Variants in NBDY observed in about 807,000 individuals in gnomAD.
The protein encoded by NBDY is P-body dissociating protein.
At position 56,783,881 on chromosome X, in the gene NBDY, C is replaced by G. The variant is rs187667068; in HGVS notation, c.*167-33439C>G. 1.1e-3 allele frequency among the ~76,000 whole-genome samples: 128 copies of G among 112,874 alleles called. 1 individual carries two copies. The highest frequency in any genetic ancestry group is 4.1e-3 in the African/African-American group (126 of 31,022). On this transcript the variant is annotated intron_variant, in intron 2 of 2. Coordinates refer to ENST00000374922, the MANE Select transcript of NBDY (RefSeq NM_001348129.2). The stretch of plus-strand genomic sequence containing the variant: ...AGAAAGAAACGGGCCAAAGAGCACC[C>G]ACCTCATCTACAGCAGGGCTCCCCA...
intron 2 of NBDY, among the ~76,000 whole-genome samples, chrX:56,759,741 G>A (rs1158998663): frequency 9.0e-6 from 1 of 111,616 alleles, no homozygotes; most frequent in African/African-American, 3.3e-5. Flanking sequence ...ACTGGCCCTT[G>A]GCCTGTGCTT....
chrX:56,733,358 C>T (rs893416921), intron 2 of NBDY, among the ~76,000 whole-genome samples: 1 of 110,134 alleles, frequency 9.1e-6, no homozygotes, highest in African/African-American at 3.3e-5. Flanking sequence ...TTTATACAGT[C>T]ATCTGGTATG....
At chrX:56,806,428 T>C (rs1274215815) in intron 2 of NBDY, among the ~76,000 whole-genome samples, 1 of 112,086 alleles carries the variant, frequency 8.9e-6, no homozygotes, top group African/African-American at 3.2e-5. Flanking sequence ...TAATTGACAC[T>C]CCCACCAACA....
intron 2 of NBDY, among the ~76,000 whole-genome samples, chrX:56,744,419 T>G (rs1239831935): frequency 1.8e-5 from 2 of 111,760 alleles, no homozygotes; most frequent in Non-Finnish European, 3.8e-5. Context: ...AATGTTTCCT[T>G]GCTGTTAACA....
chrX:56,742,962 G>C (rs756449551), intron 2 of NBDY, among the ~76,000 whole-genome samples: 1 of 111,306 alleles, frequency 9.0e-6, no homozygotes, highest in Non-Finnish European at 1.9e-5. Context: ...CTGTGGGTCT[G>C]TTATATATGG....
intron 2 of NBDY, among the ~76,000 whole-genome samples, chrX:56,798,885 T>G (rs1239155490): frequency 8.9e-6 from 1 of 112,051 alleles, no homozygotes; most frequent in African/African-American, 3.2e-5. Flanking sequence ...CTTTTTCTCG[T>G]TCTCCTTCCT....
intron 2 of NBDY, among the ~76,000 whole-genome samples, chrX:56,788,995 C>T: frequency 8.9e-6 from 1 of 112,771 alleles, no homozygotes; most frequent in Non-Finnish European, 1.9e-5. Flanking sequence ...GGCGAGTGTC[C>T]CTGCAGCCTG....
chrX:56,806,650 CT>C (rs1246796097), intron 2 of NBDY, among the ~76,000 whole-genome samples: 1 of 112,017 alleles, frequency 8.9e-6, no homozygotes, highest in Non-Finnish European at 1.9e-5. Flanking sequence ...CTTTCGCCCA[CT>C]TTTTGATGGG....
chrX:56,786,132 T>G (rs2069726417), intron 2 of NBDY, among the ~76,000 whole-genome samples: 1 of 110,207 alleles, frequency 9.1e-6, no homozygotes, highest in African/African-American at 3.3e-5. Context: ...TTTTTGGAGG[T>G]GGGGTAGGGG....
chrX:56,761,407 C>T (rs1199002242), intron 2 of NBDY, among the ~76,000 whole-genome samples: 1 of 113,018 alleles, frequency 8.8e-6, no homozygotes, highest in African/African-American at 3.2e-5. Context: ...CAGCAGGGAG[C>T]AGGGCAGCCT....
intron 2 of NBDY, among the ~76,000 whole-genome samples, chrX:56,798,319 C>T (rs2069803981): frequency 8.9e-6 from 1 of 112,120 alleles, no homozygotes; most frequent in Non-Finnish European, 1.9e-5. Flanking sequence ...GATCCTTAGC[C>T]CTTTGTGATG....
At chrX:56,741,250 C>T (rs1041005722) in intron 2 of NBDY, among the ~76,000 whole-genome samples, 1 of 111,238 alleles carries the variant, frequency 9.0e-6, no homozygotes, top group Non-Finnish European at 1.9e-5. Context: ...GTTGATGAAC[C>T]CTTAGGTTGC....
chrX:56,783,730 C>T (rs1038933131), intron 2 of NBDY, among the ~76,000 whole-genome samples: 1 of 112,832 alleles, frequency 8.9e-6, no homozygotes, highest in Non-Finnish European at 1.9e-5. Context: ...AAACACCTTC[C>T]GCTGGATGGC....
chrX:56,766,390 C>A (rs1323210087), intron 2 of NBDY, among the ~76,000 whole-genome samples: 5 of 111,298 alleles, frequency 4.5e-5, no homozygotes, highest in Non-Finnish European at 7.5e-5. Flanking sequence ...TACAAGAGAC[C>A]CCCAGAAGAA....
intron 2 of NBDY, among the ~76,000 whole-genome samples, chrX:56,759,838 T>TC (rs1388898153): frequency 9.0e-6 from 1 of 111,623 alleles, no homozygotes; most frequent in East Asian, 2.8e-4. Context: ...CCTGGCAGTC[T>TC]CCAGGGACTT....
chrX:56,793,801 G>A (rs368903540), intron 2 of NBDY, among the ~76,000 whole-genome samples: 16 of 111,003 alleles, frequency 1.4e-4, no homozygotes, highest in African/African-American at 4.6e-4. Context: ...CAGGCCGGCT[G>A]TGAGCAAGCA....
intron 2 of NBDY, among the ~76,000 whole-genome samples, chrX:56,760,062 T>C (rs1441979118): frequency 8.9e-6 from 1 of 112,571 alleles, no homozygotes; most frequent in Non-Finnish European, 1.9e-5. Flanking sequence ...CTGGGTAGAC[T>C]GGTCTTGAGG....
chrX:56,799,302 C>A (rs2069809845), intron 2 of NBDY, among the ~76,000 whole-genome samples: 1 of 112,831 alleles, frequency 8.9e-6, no homozygotes, highest in African/African-American at 3.2e-5. Flanking sequence ...CCTGTCCCTG[C>A]GTGGCCCCAG....
chrX:56,739,176 G>T (rs2069514067), intron 2 of NBDY, among the ~76,000 whole-genome samples: 2 of 98,753 alleles, frequency 2.0e-5, no homozygotes, highest in Admixed American at 1.1e-4. Flanking sequence ...GTCAGAGAGA[G>T]ATTCTGTTTT....
Sources: allele counts gnomAD v4.1 joint callset (sites outside exome capture counted in the v4.1 genomes callset), GRCh38; gene constraint gnomAD v4.1.1; transcripts MANE v1.5; gene names NCBI Gene and HGNC (gene_info 2026-07-23, HGNC 2026-07-21).